Variants in MSH4 observed in about 807,000 individuals in gnomAD.
MSH4 encodes mutS protein homolog 4.
A neutral mutation model predicts 113.7 loss-of-function variants in MSH4; 106 were observed. The ratio of observed to expected loss-of-function variants is 0.93; its 90% CI spans 0.80 to 1.10. The LOEUF is 1.10. Among genes scored for constraint, MSH4 ranks in the 50% least tolerant of loss-of-function variants. The pLI is 0.00. For synonymous variants in MSH4, 368 were observed against 380.2 expected (o/e 0.97, Z 0.37); for missense variants, 1,061 against 1,093.7 (o/e 0.97, Z 0.42).
At chr1:75,849,626 C>T (rs1202580875) in intron 8 of MSH4, among the ~76,000 whole-genome samples, 1 of 152,118 alleles carries the variant, frequency 6.6e-6, no homozygotes, top group East Asian at 1.9e-4. Context: ...ATTGAAGCTG[C>T]TTATACTTCA....
chr1:75,894,396 A>C (rs1652327023), intron 17 of MSH4, among the ~76,000 whole-genome samples: 1 of 152,226 alleles, frequency 6.6e-6, no homozygotes, highest in Non-Finnish European at 1.5e-5. Context: ...TTGAGGTTTT[A>C]TGCATGAGAT....
rs59347058 is a variant in MSH4, at chr1:75,854,013, GTA to G, written c.1230+5751_1230+5752del. Among the ~76,000 whole-genome samples the G allele has an allele frequency of 6.8e-5, 8 of 116,856 alleles. No homozygotes were observed. The East Asian group carries it at 1.1e-3, about 17-fold the overall frequency. 76.7% of individuals were successfully genotyped at this position (116,856 alleles called of 152,430 possible). ...ATGGCTAGGGCATAAGTGTGTGTGT[GTA>G]TATATATATATATGCATAAATATAT... On this transcript the variant is annotated intron_variant, in intron 8 of 19. Transcript: ENST00000263187.
intron 7 of MSH4, among the ~76,000 whole-genome samples, chr1:75,844,179 C>T (rs1651027990): frequency 6.6e-6 from 1 of 152,022 alleles, no homozygotes; most frequent in African/African-American, 2.4e-5. Flanking sequence ...TACACAAAAA[C>T]TTTTAATGTT....
intron 7 of MSH4, among the ~76,000 whole-genome samples, chr1:75,838,451 TTTATCA>T (rs1650879155): frequency 6.6e-6 from 1 of 152,146 alleles, no homozygotes; most frequent in Non-Finnish European, 1.5e-5. Flanking sequence ...GAAACTTCCT[TTTATCA>T]GTTAACATAT....
Position 75,810,666 on chromosome 1 carries a change from T to G in MSH4, c.589-31T>G, listed in dbSNP as rs1198877476. ...TGAAACTTTTATTTCCTAAGCTTTA[T>G]TTAAGAAATTGTTTATTCAAATGAT... On this transcript the variant is annotated intron_variant, in intron 3 of 19. Transcript: ENST00000263187. 3 of 1,030,846 alleles carry G rather than the reference T, an allele frequency of 2.9e-6. No individual in the cohort carries two copies. The South Asian group carries it at 5.4e-5, about 18-fold the overall frequency. 63.9% of individuals were successfully genotyped at this position (1,030,846 alleles called of 1,614,324 possible). A position where few individuals can be genotyped will look rare whatever the true frequency, so the allele number is the denominator to read the frequency against.
In MSH4 at chr1:75,898,002, A is replaced by G; in HGVS notation, c.2451A>G (p.Val817=). 6.2e-7 allele frequency: 1 copy of G among 1,608,204 alleles called. No individual in the cohort carries two copies. Among genetic ancestry groups the G allele is most frequent in the Non-Finnish European group, 8.5e-7 (1 of 1,176,792 alleles). ...ACATGCATTTTGAAGTTCAACATGT[A>G]AAGAATACCTCAAGAAATAAAGAAG... ...VENMHFEVQH[V]KNTSRNKEAI... The change falls in exon 18 of 20, where the codon GTA becomes GTG. Residue 817 remains valine (V), a synonymous_variant. Transcript: ENST00000263187.
intron 8 of MSH4, among the ~76,000 whole-genome samples, chr1:75,858,093 T>A (rs1164053740): frequency 6.6e-6 from 1 of 152,210 alleles, no homozygotes; most frequent in East Asian, 1.9e-4. Flanking sequence ...ATAGGCATGC[T>A]TGTGATTTTG....
In MSH4 at chr1:75,912,672, A is replaced by ATT. The variant is rs752620026; in HGVS notation, c.2620-23_2620-22insTT. 4.0e-6 allele frequency: 5 copies of ATT among 1,242,314 alleles called. No individual in the cohort carries two copies. The African/African-American group carries it at 8.9e-5, about 22-fold the overall frequency. 77.0% of individuals were successfully genotyped at this position (1,242,314 alleles called of 1,614,324 possible). A position where few individuals can be genotyped will look rare whatever the true frequency, so the allele number is the denominator to read the frequency against. ...TTATGGTATTTGTGTATATATATAT[A>ATT]TATTTTTTTTTTTTCAATGACAGCA... On this transcript the variant is annotated intron_variant, in intron 19 of 19. Coordinates refer to ENST00000263187, the MANE Select transcript of MSH4 (RefSeq NM_002440.4).
chr1:75,856,351 C>A (rs2100552322), intron 8 of MSH4, among the ~76,000 whole-genome samples: 1 of 152,104 alleles, frequency 6.6e-6, no homozygotes, highest in South Asian at 2.1e-4. Context: ...AGTTTTGTTA[C>A]ATAGGTATAC....
chr1:75,822,598 T>G lies in MSH4; in HGVS notation c.1162+17T>G. On this transcript the variant is annotated intron_variant, in intron 7 of 19. Coordinates refer to ENST00000263187, the MANE Select transcript of MSH4 (RefSeq NM_002440.4). The stretch of plus-strand genomic sequence containing the variant: ...TTCAATCAGGTAAATCAATATTATT[T>G]AATATTATAAATACAAATTATTGAA... The G allele has an allele frequency of 7.9e-7, 1 of 1,270,714 alleles. No homozygotes were observed. The highest frequency in any genetic ancestry group is 2.8e-5 in the East Asian group (1 of 36,210). 78.7% of individuals were successfully genotyped at this position (1,270,714 alleles called of 1,614,324 possible). A position where few individuals can be genotyped will look rare whatever the true frequency, so the allele number is the denominator to read the frequency against.
chr1:75,820,473 A>G (rs1650386276), intron 6 of MSH4, among the ~76,000 whole-genome samples: 1 of 152,172 alleles, frequency 6.6e-6, no homozygotes, highest in African/African-American at 2.4e-5. Flanking sequence ...TTGGTAAGCT[A>G]TTAATTATTG....
intron 15 of MSH4, among the ~76,000 whole-genome samples, chr1:75,886,021 T>G (rs1341969655): frequency 1.3e-5 from 1 of 76,722 alleles, no homozygotes; most frequent in East Asian, 3.4e-4. Context: ...TATGATGTAT[T>G]ATATATAGCA....
At chr1:75,854,046 T>TATATA in intron 8 of MSH4, among the ~76,000 whole-genome samples, 1 of 146,054 alleles carries the variant, frequency 6.8e-6, no homozygotes, top group South Asian at 2.2e-4. Flanking sequence ...TATATAGATA[T>TATATA]TGACCTCTAT....
chr1:75,881,064 CA>C (rs1179580688), intron 13 of MSH4, among the ~76,000 whole-genome samples, 181 bp from the exon 14 acceptor site: 1 of 151,928 alleles, frequency 6.6e-6, no homozygotes, highest in African/African-American at 2.4e-5. Context: ...TGATCTTGAG[CA>C]AAAACTTCAA....
chr1:75,903,745 A>G (rs1170385637), intron 19 of MSH4, among the ~76,000 whole-genome samples: 1 of 152,010 alleles, frequency 6.6e-6, no homozygotes, highest in Non-Finnish European at 1.5e-5. Context: ...ACGTATACAA[A>G]TGTCACTGAT....
At chr1:75,837,898 A>C (rs1650867604) in intron 7 of MSH4, among the ~76,000 whole-genome samples, 1 of 151,824 alleles carries the variant, frequency 6.6e-6, no homozygotes, top group African/African-American at 2.4e-5. Context: ...AGGATACCTT[A>C]ATTCTCTCAT....
chr1:75,797,530 T>C (rs1347564865), intron 1 of MSH4, among the ~76,000 whole-genome samples: 3 of 152,250 alleles, frequency 2.0e-5, no homozygotes, highest in Non-Finnish European at 4.4e-5. Flanking sequence ...TGATAGAAGT[T>C]GTGAGCTGAT....
chr1:75,827,385 AC>A (rs1650577411), intron 7 of MSH4, among the ~76,000 whole-genome samples: 2 of 152,122 alleles, frequency 1.3e-5, no homozygotes, highest in African/African-American at 4.8e-5. Flanking sequence ...GTAAAAATAC[AC>A]CATAATATAA....
chr1:75,912,767 A>G lies in MSH4; in HGVS notation c.2691A>G (p.Gln897=), dbSNP rs1393869667. 3 of 1,595,280 alleles carry G rather than the reference A, an allele frequency of 1.9e-6. No individual in the cohort carries two copies. The highest frequency in any genetic ancestry group is 2.6e-6 in the Non-Finnish European group (3 of 1,171,646). Reference sequence around the variant, plus strand: ...ACCATCTAGCCACTAGGCTTGTTCAAACTGCTCGAAACTCTCAATTGGATC... The same window carrying G: ...ACCATCTAGCCACTAGGCTTGTTCAGACTGCTCGAAACTCTCAATTGGATC... ...AVYHLATRLV[Q]TARNSQLDPD... Residue 897 remains glutamine, a synonymous_variant, in exon 20 of 20, where the codon CAA becomes CAG. Coordinates refer to ENST00000263187, the MANE Select transcript of MSH4 (RefSeq NM_002440.4).
Sources: gnomAD v4.1 joint callset for allele counts (sites outside exome capture counted in the v4.1 genomes callset) on GRCh38, gnomAD v4.1.1 for gene constraint, MANE v1.5 for transcripts, NCBI Gene and HGNC (gene_info 2026-07-23, HGNC 2026-07-21) for gene names.